The following MYO10 variants were observed in gnomAD, a reference collection of about 807,000 sequenced individuals.
The protein encoded by MYO10 is unconventional myosin-X.
MYO10 carries 133 observed loss-of-function variants against 257.3 expected under a neutral mutation model. The observed-to-expected ratio is 0.52, with a 90% CI of 0.45 to 0.60. MYO10 has a LOEUF of 0.60. Ranked by LOEUF, MYO10 falls within the 20% of genes least tolerant of loss-of-function variation. The probability of loss-of-function intolerance (pLI) is 0.00; values close to 1 mark genes in which losing one functional copy is unlikely to be tolerated. For synonymous variants in MYO10, 1,104 were observed against 1,028.6 expected, an observed-to-expected ratio of 1.07 and a Z score of -1.40; for missense variants, 2,399 against 2,635.7, an observed-to-expected ratio of 0.91 and a Z score of 1.97.
At chr5:16,897,490 C>G (rs1283648546) in intron 1 of MYO10, among the ~76,000 whole-genome samples, 1 of 152,172 alleles carries the variant, frequency 6.6e-6, no homozygotes, top group Non-Finnish European at 1.5e-5. Context: ...TGTTGAAGTG[C>G]ATACCTTGGC....
chr5:16,832,201 AC>A (rs531388990), intron 2 of MYO10, among the ~76,000 whole-genome samples: 72 of 152,190 alleles, frequency 4.7e-4, no homozygotes, highest in African/African-American at 1.7e-3. Flanking sequence ...TCAGCCTCCC[AC>A]AGTGCTAGGA....
intron 2 of MYO10, among the ~76,000 whole-genome samples, chr5:16,853,076 ATGATCATATGT>A (rs1361356636): frequency 1.3e-5 from 2 of 152,182 alleles, no homozygotes; most frequent in Admixed American, 6.5e-5. Context: ...AAAAAAAATC[ATGATCATATGT>A]TGGCCGGGCG....
intron 9 of MYO10, among the ~76,000 whole-genome samples, chr5:16,769,943 T>A (rs1268968640): frequency 2.0e-5 from 3 of 152,072 alleles, no homozygotes; most frequent in Non-Finnish European, 2.9e-5. Flanking sequence ...TTTTGTTTTG[T>A]TTTGTTTGTA....
rs909931784 is a variant in MYO10, at chr5:16,864,866, A to C, written c.120+12743T>G. On this transcript the variant is annotated intron_variant, in intron 2 of 40. Coordinates refer to ENST00000513610, the MANE Select transcript of MYO10 (RefSeq NM_012334.3). ...CAGAGCAGAAAAGATTCTTAAACTC[A>C]AAACCAAGTTAAGCTGGACAAGTTG... 1.7e-4 allele frequency among the ~76,000 whole-genome samples: 26 copies of C among 152,316 alleles called. 1 individual carries two copies. Among genetic ancestry groups the C allele is most frequent in the Admixed American group, 1.6e-3 (25 of 15,308 alleles).
intron 2 of MYO10, among the ~76,000 whole-genome samples, chr5:16,822,669 TTTTC>T (rs1351793835): frequency 1.4e-5 from 2 of 147,612 alleles, no homozygotes; most frequent in East Asian, 4.1e-4. Context: ...AAATATTTTT[TTTTC>T]TTTTTTATTT....
intron 2 of MYO10, among the ~76,000 whole-genome samples, chr5:16,859,465 T>C (rs940095488): frequency 3.9e-5 from 6 of 152,092 alleles, no homozygotes; most frequent in African/African-American, 1.4e-4. Context: ...CATAGGAAGT[T>C]TGGGGCCAGG....
chr5:16,677,168 G>T (rs943980405), intron 33 of MYO10, among the ~76,000 whole-genome samples: 1 of 152,072 alleles, frequency 6.6e-6, no homozygotes, highest in Non-Finnish European at 1.5e-5. Flanking sequence ...CAGAAAAGTT[G>T]GAGGAGAGGT....
At chr5:16,668,899 A>G (rs1408837139) in intron 39 of MYO10, among the ~76,000 whole-genome samples, 1 of 152,192 alleles carries the variant, frequency 6.6e-6, no homozygotes, top group Admixed American at 6.5e-5. Flanking sequence ...TAGTCTTCAA[A>G]TACAAAATCT....
In MYO10 at chr5:16,906,029, C is replaced by G. The variant is rs765441590; in HGVS notation, c.22-28322G>C. 2.6e-5 allele frequency among the ~76,000 whole-genome samples: 4 copies of G among 152,306 alleles called. No individual in the cohort carries two copies. The East Asian group carries it at 7.7e-4, about 29-fold the overall frequency. On this transcript the variant is annotated intron_variant, in intron 1 of 40. Transcript: ENST00000513610. ...CCTCAACTGCAACACCTGTCAAATG[C>G]AACAGAGATTTCTTACACTTGGCAT...
chr5:16,831,424 G>A (rs565558675), intron 2 of MYO10, among the ~76,000 whole-genome samples: 1 of 152,252 alleles, frequency 6.6e-6, no homozygotes, highest in South Asian at 2.1e-4. Flanking sequence ...GCGCACGCAC[G>A]TTTATAGCAG....
chr5:16,747,918 CAAAAAAAAA>C (rs777257950), intron 19 of MYO10, among the ~76,000 whole-genome samples: 32 of 30,534 alleles, frequency 1.0e-3, no homozygotes, highest in Non-Finnish European at 4.6e-3. Flanking sequence ...AACTCCGTCT[CAAAAAAAAA>C]AAAAAAAAAA....
intron 19 of MYO10, among the ~76,000 whole-genome samples, chr5:16,719,364 T>C (rs944462340): frequency 6.6e-6 from 1 of 152,154 alleles, no homozygotes; most frequent in Non-Finnish European, 1.5e-5. Context: ...TAAGGGCAGG[T>C]GTCTGAGCAT....
Position 16,662,079 on chromosome 5 carries a change from G to T in MYO10, c.*4613C>A, listed in dbSNP as rs1736005319. On this transcript the variant is annotated 3_prime_UTR_variant, in exon 41 of 41. Coordinates refer to ENST00000513610, the MANE Select transcript of MYO10 (RefSeq NM_012334.3). ...AATCGTGATGCTTCTCTGATCAACTGAATGAAACAGTTATAAATGTACTGG... is the reference window on the plus strand; with the variant it reads ...AATCGTGATGCTTCTCTGATCAACTTAATGAAACAGTTATAAATGTACTGG... 1 of 152,150 alleles carries T rather than the reference G, an allele frequency of 6.6e-6. No individual in the cohort carries two copies. The allele number at this position is 152,150 out of a possible 1,614,324, so 9.4% of individuals were successfully genotyped here. A position where few individuals can be genotyped will look rare whatever the true frequency, so the allele number is the denominator to read the frequency against.
intron 2 of MYO10, among the ~76,000 whole-genome samples, chr5:16,840,450 A>C (rs1645476866): frequency 6.6e-6 from 1 of 152,054 alleles, no homozygotes; most frequent in Admixed American, 6.6e-5. Context: ...TGAATGAAAG[A>C]AAGAAACAGA....
In MYO10 at chr5:16,663,430, C is replaced by T. The variant is rs772955318; in HGVS notation, c.*3262G>A. The T allele has an allele frequency of 7.3e-6, 1 of 137,174 alleles. No homozygotes were observed. Among genetic ancestry groups the T allele is most frequent in the Non-Finnish European group, 1.5e-5 (1 of 66,030 alleles). 8.5% of individuals were successfully genotyped at this position (137,174 alleles called of 1,614,324 possible). ...AAAATTAAAAATACTAGATTGTCAG[C>T]GTCTGAAGTGATAAAATACTTTATG... On this transcript the variant is annotated 3_prime_UTR_variant, in exon 41 of 41. Transcript: ENST00000513610.
At chr5:16,905,724 T>C (rs527652613) in intron 1 of MYO10, among the ~76,000 whole-genome samples, 1 of 152,294 alleles carries the variant, frequency 6.6e-6, no homozygotes, top group Admixed American at 6.5e-5. Flanking sequence ...TCTTCTTTTG[T>C]TTGCTTTAAC....
At chr5:16,779,673 T>A (rs1376941310) in intron 8 of MYO10, 25 bp from the exon 9 acceptor site, 3 of 1,346,494 alleles carry the variant, frequency 2.2e-6, no homozygotes, top group Admixed American at 2.0e-5. Context: ...AAACATGATG[T>A]CACAGTTCTC....
intron 9 of MYO10, among the ~76,000 whole-genome samples, chr5:16,771,333 G>A (rs1463748918): frequency 6.6e-6 from 1 of 151,862 alleles, no homozygotes; most frequent in African/African-American, 2.4e-5. Flanking sequence ...ATGGTTGTTA[G>A]TACTATAAAT....
chr5:16,762,825 G>A (rs563544217), intron 14 of MYO10, among the ~76,000 whole-genome samples, 188 bp from the exon 15 acceptor site: 3 of 152,048 alleles, frequency 2.0e-5, no homozygotes, highest in Non-Finnish European at 2.9e-5. Context: ...TTAACTGGGC[G>A]TGGTGGCATA....
Sources: gnomAD v4.1 joint callset for allele counts (sites outside exome capture counted in the v4.1 genomes callset) on GRCh38, gnomAD v4.1.1 for gene constraint, MANE v1.5 for transcripts, NCBI Gene and HGNC (gene_info 2026-07-23, HGNC 2026-07-21) for gene names.